The following UBN2 variants were observed in gnomAD, a reference collection of about 807,000 sequenced individuals.
UBN2 encodes the protein ubinuclein-2.
A neutral mutation model predicts 120.2 loss-of-function variants in UBN2; 35 were observed. The observed-to-expected ratio is 0.29, with a 90% CI of 0.22 to 0.39. The LOEUF (loss-of-function observed/expected upper bound fraction) is 0.39, where lower values mean the gene tolerates loss of function less well. Ranked by LOEUF, UBN2 falls within the 10% of genes least tolerant of loss-of-function variation. The probability of loss-of-function intolerance (pLI) is 1.00; values close to 1 mark genes in which losing one functional copy is unlikely to be tolerated. For synonymous variants in UBN2, 661 were observed against 648.7 expected (o/e 1.02, Z -0.29); for missense variants, 1,693 against 1,663.2 (o/e 1.02, Z -0.31).
rs374381489 is a variant in UBN2 at position 139,283,164 on chromosome 7, C to T, written c.2259C>T (p.Asp753=). 2.9e-5 allele frequency: 46 copies of T among 1,612,112 alleles called. No individual in the cohort carries two copies. Among genetic ancestry groups the T allele is most frequent in the African/African-American group, 1.8e-4 (13 of 74,226 alleles). ...CAGCCCAAGAAACCATCTGCCTCGA[C>T]GACTCACTAGATGAAGACCTTTCTT... is the stretch of plus-strand genomic sequence containing the variant. ...SAPAQETICL[D]DSLDEDLSFH... The change falls in exon 15 of 18, where the codon GAC becomes GAT. Residue 753 remains aspartate, a synonymous_variant. Coordinates refer to ENST00000473989, the MANE Select transcript of UBN2 (RefSeq NM_173569.4).
At chr7:139,274,443 A>G (rs1435628429) in intron 11 of UBN2, among the ~76,000 whole-genome samples, 1 of 152,156 alleles carries the variant, frequency 6.6e-6, no homozygotes, top group Non-Finnish European at 1.5e-5. Context: ...AGGAAAAGAG[A>G]CACAGCCTTA....
intron 1 of UBN2, among the ~76,000 whole-genome samples, chr7:139,233,774 C>T (rs1796090685): frequency 6.6e-6 from 1 of 152,056 alleles, no homozygotes; most frequent in African/African-American, 2.4e-5. Flanking sequence ...TAATGTGTAT[C>T]ATTTAATTAT....
At chr7:139,238,422 T>G (rs1259295926) in intron 2 of UBN2, among the ~76,000 whole-genome samples, 1 of 151,460 alleles carries the variant, frequency 6.6e-6, no homozygotes. Flanking sequence ...TGGGCCACAG[T>G]TTTCTTTTTC....
In UBN2 at chr7:139,292,930, G is replaced by A. The variant is rs533609907; in HGVS notation, c.3670-302G>A. Among the ~76,000 whole-genome samples, 7 of 152,308 alleles carry A rather than the reference G, an allele frequency of 4.6e-5. No homozygotes were observed. In the South Asian group the frequency reaches 6.2e-4, roughly 14 times the overall value. On this transcript the variant is annotated intron_variant, in intron 15 of 17. Transcript: ENST00000473989. ...AGTAAAGTGAGTATTTTCAGAGACC[G>A]AGCTGAAATTGCATGGAATTACTTA...
chr7:139,277,221 T>G (rs1797470469), intron 12 of UBN2: 1 of 152,186 alleles, frequency 6.6e-6, no homozygotes, highest in Non-Finnish European at 1.5e-5. Context: ...ATATAGGAAT[T>G]TTTTAGTTTT....
downstream of UBN2, among the ~76,000 whole-genome samples, chr7:139,309,642 C>T (rs12533773): frequency 6.6e-6 from 1 of 151,988 alleles, no homozygotes; most frequent in African/African-American, 2.4e-5. Context: ...TGGCCAAGGC[C>T]GGTGGATCAC....
chr7:139,280,122 A>G (rs1261136000), intron 13 of UBN2, among the ~76,000 whole-genome samples: 1 of 152,174 alleles, frequency 6.6e-6, no homozygotes, highest in African/African-American at 2.4e-5. Flanking sequence ...TGCCCTCTTC[A>G]GAGGCCTCAA....
chr7:139,323,003 A>C, the UBN2 span, among the ~76,000 whole-genome samples: 3 of 152,214 alleles, frequency 2.0e-5, no homozygotes, highest in African/African-American at 7.2e-5. Flanking sequence ...CAGCAGGTCC[A>C]GCTTGTCTGT....
At chr7:139,241,370 C>G (rs1414442275) in intron 2 of UBN2, among the ~76,000 whole-genome samples, 1 of 152,178 alleles carries the variant, frequency 6.6e-6, no homozygotes, top group African/African-American at 2.4e-5. Context: ...ATCTGAATGA[C>G]TCTCTGAATA....
At chr7:139,274,411 A>C (rs890237861) in intron 11 of UBN2, among the ~76,000 whole-genome samples, 1 of 152,146 alleles carries the variant, frequency 6.6e-6, no homozygotes, top group South Asian at 2.1e-4. Context: ...AAGATGAGGA[A>C]CCTAATATGG....
At chr7:139,309,432 C>G (rs1407403923), downstream of UBN2, among the ~76,000 whole-genome samples, 1 of 152,148 alleles carries the variant, frequency 6.6e-6, no homozygotes, top group Non-Finnish European at 1.5e-5. Context: ...GTCAGCAGTA[C>G]TCCTCAAGAT....
At chr7:139,265,413 G>T (rs956436656) in intron 6 of UBN2, among the ~76,000 whole-genome samples, 22 of 152,178 alleles carry the variant, frequency 1.4e-4, no homozygotes, top group Non-Finnish European at 2.4e-4. Context: ...GGGAGGTGGA[G>T]ATTGCAGTAA....
At chr7:139,239,350 A>T (rs1335062156) in intron 2 of UBN2, among the ~76,000 whole-genome samples, 2 of 151,992 alleles carry the variant, frequency 1.3e-5, no homozygotes, top group Non-Finnish European at 2.9e-5. Context: ...CAAATGATTT[A>T]GGTTGCTTTC....
chr7:139,267,548 AAG>A (rs907537487), intron 7 of UBN2, among the ~76,000 whole-genome samples: 1 of 151,922 alleles, frequency 6.6e-6, no homozygotes, highest in African/African-American at 2.4e-5. Flanking sequence ...AAAAAAAAAA[AAG>A]AGAGAAAGAG....
intron 2 of UBN2, among the ~76,000 whole-genome samples, chr7:139,241,996 T>TC (rs1005912270): frequency 4.8e-4 from 72 of 148,666 alleles, no homozygotes; most frequent in Middle Eastern, 3.4e-3. Context: ...AGAATCCAGC[T>TC]CCCCCCCCCA....
At chr7:139,326,644 A>C in the UBN2 span, among the ~76,000 whole-genome samples, 4 of 152,360 alleles carry the variant, frequency 2.6e-5, no homozygotes, top group African/African-American at 9.6e-5. Context: ...ATGATAAAAT[A>C]TTTGCTTTCC....
At chr7:139,287,777 T>C (rs1398945973) in intron 15 of UBN2, among the ~76,000 whole-genome samples, 1 of 152,112 alleles carries the variant, frequency 6.6e-6, no homozygotes, top group Non-Finnish European at 1.5e-5. Context: ...TGTTTTAACA[T>C]AGCGTCTCAA....
At chr7:139,265,504 C>T (rs1797071054) in intron 6 of UBN2, among the ~76,000 whole-genome samples, 1 of 152,030 alleles carries the variant, frequency 6.6e-6, no homozygotes, top group Non-Finnish European at 1.5e-5. Context: ...CTGTATTAAG[C>T]CTTACAAAAG....
At chr7:139,254,836 CAG>C (rs1205780443) in intron 3 of UBN2, among the ~76,000 whole-genome samples, 1 of 152,156 alleles carries the variant, frequency 6.6e-6, no homozygotes, top group Non-Finnish European at 1.5e-5. Flanking sequence ...GCAGAAAGTA[CAG>C]AGTTTCCATG....
Sources: allele counts gnomAD v4.1 joint callset (sites outside exome capture counted in the v4.1 genomes callset), GRCh38; gene constraint gnomAD v4.1.1; transcripts MANE v1.5; gene names NCBI Gene and HGNC (gene_info 2026-07-23, HGNC 2026-07-21).